CFAP46: variants seen among roughly 807,000 people sequenced by gnomAD.
CFAP46 encodes the protein cilia and flagella associated protein 46, also known as cilia- and flagella-associated protein 46.
A neutral mutation model predicts 325.7 loss-of-function variants in CFAP46; 245 were observed. The ratio of observed to expected loss-of-function variants is 0.75; its 90% CI spans 0.68 to 0.84. CFAP46 has a LOEUF of 0.84. Among genes scored for constraint, CFAP46 ranks in the 40% least tolerant of loss-of-function variants. CFAP46 has a pLI of 0.00. For synonymous variants in CFAP46, 1,523 were observed against 1,495.9 expected (o/e 1.02, Z -0.42); for missense variants, 3,346 against 3,543.0 (o/e 0.94, Z 1.41).
chr10:132,871,079 T>G (rs1225158017), intron 32 of CFAP46, among the ~76,000 whole-genome samples: 1 of 152,240 alleles, frequency 6.6e-6, no homozygotes, highest in African/African-American at 2.4e-5. Flanking sequence ...CTCAATCTAC[T>G]CTGCCTGTGC....
rs762665943 is a variant in CFAP46 at position 132,877,790 on chromosome 10, T to C, written c.4212+91A>G. 5.5e-4 allele frequency: 784 copies of C among 1,418,036 alleles called. No individual in the cohort carries two copies. The highest frequency in any genetic ancestry group is 7.1e-4 in the Non-Finnish European group (741 of 1,038,376). 87.8% of individuals were successfully genotyped at this position (1,418,036 alleles called of 1,614,324 possible). ...GCCCGGCCTCTGCACTGAGGCCGCC[T>C]GGGGCTCCTCCGAGAACCCTGACAG... On this transcript the variant is annotated intron_variant, in intron 30 of 57. Transcript: ENST00000368586. The surrounding 1 kb of genome is among the most constrained non-coding windows in gnomAD (Gnocchi z 5.7).
chr10:132,821,689 CTGTGTGCTGA>C (rs1318868225), intron 50 of CFAP46, among the ~76,000 whole-genome samples: 15 of 119,064 alleles, frequency 1.3e-4, no homozygotes, highest in African/African-American at 4.6e-4. Context: ...CTGATGTGTG[CTGTGTGCTGA>C]TGTGTGCTGA....
Position 132,886,377 on chromosome 10 carries a change from T to C in CFAP46, c.3305-418A>G, listed in dbSNP as rs1395910970. Among the ~76,000 whole-genome samples, 1 of 152,172 alleles carries C rather than the reference T, an allele frequency of 6.6e-6. No homozygotes were observed. The highest frequency in any genetic ancestry group is 1.5e-5 in the Non-Finnish European group (1 of 68,026). On this transcript the variant is annotated intron_variant, in intron 25 of 57. Transcript: ENST00000368586. The surrounding 1 kb of genome is among the most constrained non-coding windows in gnomAD (Gnocchi z 5.8). ...GTGCACGCTCGGGAGTCCTCATGCT[T>C]GGTGCCCGCAGCACGGGAACAATCC...
chr10:132,812,664 G>A (rs1478261149), intron 55 of CFAP46, 121 bp downstream of exon 55: 2 of 678,620 alleles, frequency 2.9e-6, no homozygotes, highest in South Asian at 3.4e-5. Flanking sequence ...TGGGGGGCAG[G>A]AGGGGGCTGC....
Position 132,924,705 on chromosome 10 carries a change from T to C in CFAP46, c.1247A>G (p.Lys416Arg). 6.5e-7 allele frequency: 1 copy of C among 1,531,142 alleles called. No homozygotes were observed. Among genetic ancestry groups the C allele is most frequent in the Non-Finnish European group, 8.8e-7 (1 of 1,139,154 alleles). 94.8% of individuals were successfully genotyped at this position (1,531,142 alleles called of 1,614,324 possible). Reference sequence around the variant, plus strand: ...CAGGTGAGCGCCCCACCTGTCCAGCTTCTCCAGCACGTCCGCAACGCCAGC... The same window carrying C: ...CAGGTGAGCGCCCCACCTGTCCAGCCTCTCCAGCACGTCCGCAACGCCAGC... ...PLAGVADVLE[K>R]LDSLMTLLRC... Residue 416 changes from lysine (K) to arginine (R), a missense_variant, in exon 11 of 58, where the codon AAG becomes AGG. Transcript: ENST00000368586.
chr10:132,937,229 A>C (rs1850022115), intron 6 of CFAP46, 174 bp from the exon 7 acceptor site: 2 of 528,318 alleles, frequency 3.8e-6, no homozygotes, highest in African/African-American at 3.9e-5. Flanking sequence ...CTTTTGGTAC[A>C]TATTCTTGTA....
chr10:132,833,507 A>G lies in CFAP46; in HGVS notation c.6968T>C (p.Val2323Ala), dbSNP rs776026337. Residue 2323 changes from valine to alanine, a missense_variant, in exon 50 of 58, where the codon GTT becomes GCT. Coordinates refer to ENST00000368586, the MANE Select transcript of CFAP46 (RefSeq NM_001200049.3). ...TGQHSTVQPE[V>A]ADKIVLVADR... ...TGCGACCAGGACTATCTTATCGGCA[A>G]CCTCAGGCTGGACTGTGCCTGGGAA... The G allele has an allele frequency of 6.2e-7, 1 of 1,613,790 alleles. No individual in the cohort carries two copies. The highest frequency in any genetic ancestry group is 1.6e-4 in the Middle Eastern group (1 of 6,074).
intron 16 of CFAP46, among the ~76,000 whole-genome samples, chr10:132,917,469 G>A (rs1201267496): frequency 6.6e-6 from 1 of 152,260 alleles, no homozygotes; most frequent in Non-Finnish European, 1.5e-5. Flanking sequence ...GAGTCTCTGA[G>A]CCTGCGTGGG....
chr10:132,929,507 CG>C (rs762754461), intron 9 of CFAP46, 197 bp downstream of exon 9: 2 of 781,286 alleles, frequency 2.6e-6, no homozygotes, highest in South Asian at 2.7e-5. Context: ...TAAAGAGAAA[CG>C]GGCAGGTGTA....
At chr10:132,835,719 G>T (rs186851508) in intron 46 of CFAP46, among the ~76,000 whole-genome samples, 1 of 152,158 alleles carries the variant, frequency 6.6e-6, no homozygotes, top group East Asian at 1.9e-4. Context: ...CCCTGTGGGT[G>T]GAGGGCTGGG....
In CFAP46 at chr10:132,881,049, G is replaced by C. The variant is rs1308519561; in HGVS notation, c.3628-17C>G. 6.5e-7 allele frequency: 1 copy of C among 1,549,518 alleles called. No homozygotes were observed. Among genetic ancestry groups the C allele is most frequent in the Admixed American group, 2.0e-5 (1 of 51,000 alleles). On this transcript the variant is annotated splice_polypyrimidine_tract_variant and intron_variant, in intron 27 of 57. Transcript: ENST00000368586. ...CTCAGGCTTCTGTGGGATTGAACAG[G>C]AAGGGTGACATCCTCAGGATGGCCC...
At position 132,850,322 on chromosome 10, in the gene CFAP46, C is replaced by T. The variant is rs769746935; in HGVS notation, c.5874G>A (p.Leu1958=). 1 of 1,552,376 alleles carries T rather than the reference C, an allele frequency of 6.4e-7. No homozygotes were observed. ...CCAGCAGGTGCAGGGCCCTCCCGGC[C>T]AGGCCCAGGAGCCGGGCGCGGATCT... is the stretch of plus-strand genomic sequence containing the variant. ...CVEIRARLLG[L]AGRALHLLAM... The change falls in exon 41 of 58, where the codon CTG becomes CTA. Residue 1958 remains leucine (L), a synonymous_variant. Coordinates refer to ENST00000368586, the MANE Select transcript of CFAP46 (RefSeq NM_001200049.3).
At chr10:132,848,874 G>A (rs1345394272) in intron 41 of CFAP46, among the ~76,000 whole-genome samples, 1 of 152,194 alleles carries the variant, frequency 6.6e-6, no homozygotes, top group Admixed American at 6.5e-5. Flanking sequence ...CTTAGACAAC[G>A]TGACCAGCAA....
rs1850030300 is a variant in CFAP46, at chr10:132,937,645, T to C, written c.567A>G (p.Gly189=). The change falls in exon 6 of 58, where the codon GGA becomes GGG. Residue 189 remains glycine, a synonymous_variant. Coordinates refer to ENST00000368586, the MANE Select transcript of CFAP46 (RefSeq NM_001200049.3). ...AGAACCTGGCAGCCTCCTCCTTTCT[T>C]CCGGCTTGCAGATAACACTCCAGAA... ...LELLECYLQA[G]RKEEAARFCS... is the part of the protein sequence containing the mutation. 1 of 1,612,314 alleles carries C rather than the reference T, an allele frequency of 6.2e-7. No homozygotes were observed. The highest frequency in any genetic ancestry group is 8.5e-7 in the Non-Finnish European group (1 of 1,179,434).
At position 132,827,282 on chromosome 10, in the gene CFAP46, C is replaced by T. The variant is rs1006066560; in HGVS notation, c.7117+6076G>A. Among the ~76,000 whole-genome samples, 2 of 152,072 alleles carry T rather than the reference C, an allele frequency of 1.3e-5. No individual in the cohort carries two copies. The highest frequency in any genetic ancestry group is 2.4e-5 in the African/African-American group (1 of 41,426). ...GGGGCTGACCGTGGCCTGTGATGGA[C>T]GGGGCACCCAGTGGGCCAGAATCAG... On this transcript the variant is annotated intron_variant, in intron 50 of 57. Transcript: ENST00000368586. This position sits in a 1 kb window ranked among gnomAD's most constrained non-coding sequence, Gnocchi z 5.7.
intron 35 of CFAP46, among the ~76,000 whole-genome samples, chr10:132,863,905 C>T (rs879806766): frequency 1.7e-4 from 25 of 146,228 alleles, no homozygotes; most frequent in Non-Finnish European, 3.0e-4. Context: ...ACACCTGTCC[C>T]CAGTGCCTGA....
intron 57 of CFAP46, among the ~76,000 whole-genome samples, chr10:132,810,081 C>G (rs1053899493): frequency 8.5e-5 from 13 of 152,214 alleles, no homozygotes; most frequent in African/African-American, 2.9e-4. Flanking sequence ...CCAGACAGCC[C>G]CTGGGCTCGT....
rs973650052 is a variant in CFAP46, at chr10:132,828,765, G to T, written c.7117+4593C>A. 6.6e-6 allele frequency among the ~76,000 whole-genome samples: 1 copy of T among 152,154 alleles called. No individual in the cohort carries two copies. The highest frequency in any genetic ancestry group is 1.5e-5 in the Non-Finnish European group (1 of 68,044). On this transcript the variant is annotated intron_variant, in intron 50 of 57. Transcript: ENST00000368586. The surrounding 1 kb of genome is among the most constrained non-coding windows in gnomAD (Gnocchi z 4.9). ...TCGAGCTGATTTTCCTGCGTGGCGT[G>T]CGGCCTCGTTTTTGTTGTGTTTCGT...
chr10:132,847,383 G>A lies in CFAP46; in HGVS notation c.5953-62C>T. 1.3e-6 allele frequency: 2 copies of A among 1,595,932 alleles called. No homozygotes were observed. Among genetic ancestry groups the A allele is most frequent in the Non-Finnish European group, 1.7e-6 (2 of 1,168,640 alleles). ...GTTCCTGCTTGGTCGGCGTGGGGAG[G>A]GCCCACCCAGGGAGGCCGGGGTGGT... is the stretch of plus-strand genomic sequence containing the variant. On this transcript the variant is annotated intron_variant, in intron 41 of 57. Coordinates refer to ENST00000368586, the MANE Select transcript of CFAP46 (RefSeq NM_001200049.3). This position sits in a 1 kb window ranked among gnomAD's most constrained non-coding sequence, Gnocchi z 5.2.
Sources: gnomAD v4.1 joint callset for allele counts (sites outside exome capture counted in the v4.1 genomes callset) on GRCh38, gnomAD v4.1.1 for gene constraint, Gnocchi (gnomAD v3.1) non-coding constraint, MANE v1.5 for transcripts, NCBI Gene and HGNC (gene_info 2026-07-23, HGNC 2026-07-21) for gene names.